ANKRD26: variants seen among roughly 807,000 people sequenced by gnomAD.
ANKRD26 encodes the protein ankyrin repeat domain-containing protein 26.
ANKRD26 carries 141 observed loss-of-function variants against 208.7 expected under a neutral mutation model. The ratio of observed to expected loss-of-function variants is 0.68; its 90% CI spans 0.59 to 0.78. The LOEUF is 0.78. Ranked by LOEUF, ANKRD26 falls within the 30% of genes least tolerant of loss-of-function variation. The pLI is 0.00. For missense variants in ANKRD26, 1,889 were observed against 1,938.7 expected, an observed-to-expected ratio of 0.97 and a Z score of 0.48; for synonymous variants, 636 against 660.4, an observed-to-expected ratio of 0.96 and a Z score of 0.57.
chr10:27,056,587 G>A (rs1429602249), intron 15 of ANKRD26, among the ~76,000 whole-genome samples: 1 of 150,238 alleles, frequency 6.7e-6, no homozygotes, highest in African/African-American at 2.4e-5. Flanking sequence ...AGACCAGCCT[G>A]ACCAACATGG....
At chr10:26,990,333 CCTAA>C (rs1292627053), downstream of ANKRD26, among the ~76,000 whole-genome samples, 3 of 152,150 alleles carry the variant, frequency 2.0e-5, no homozygotes, top group Admixed American at 1.3e-4. Context: ...CCTCATTCCT[CCTAA>C]CTTAGAGTTC....
chr10:27,047,252 C>A (rs911325695), intron 17 of ANKRD26, among the ~76,000 whole-genome samples: 1 of 152,014 alleles, frequency 6.6e-6, no homozygotes, highest in Non-Finnish European at 1.5e-5. Flanking sequence ...GGGAAAAATC[C>A]TTTTAGAATA....
chr10:27,007,422 G>A (rs1370566750), intron 32 of ANKRD26, among the ~76,000 whole-genome samples: 1 of 152,204 alleles, frequency 6.6e-6, no homozygotes, highest in Admixed American at 6.5e-5. Context: ...GGGAGGCCAA[G>A]ACAGGCAGAT....
rs3737054 is a variant in ANKRD26 at position 27,079,396 on chromosome 10, G to A, written c.741-235C>T. Among the ~76,000 whole-genome samples the A allele has an allele frequency of 0.21, 32,396 of 152,066 alleles. 3,761 individuals are homozygous for A. Among genetic ancestry groups the A allele is most frequent in the East Asian group, 0.4 (2,064 of 5,180 alleles). ...ACCTCTCCGAAACTATAAAATATTC[G>A]ATAAAGACTCAACCTTAGTTCTATA... is the stretch of plus-strand genomic sequence containing the variant. On this transcript the variant is annotated intron_variant, in intron 6 of 33. Coordinates refer to ENST00000376087, the MANE Select transcript of ANKRD26 (RefSeq NM_014915.3).
rs2056378031 is a variant in ANKRD26, at chr10:27,093,794, G to A, written c.248C>T (p.Ala83Val). Residue 83 changes from alanine (A) to valine (V), a missense_variant, in exon 2 of 34, where the codon GCT becomes GTT. Transcript: ENST00000376087. ...ACCATTGGCACAGGCCAAATGTAGAGCCGTCCTATGAGAGTGACAGGACTT... is the reference window on the plus strand; with the variant it reads ...ACCATTGGCACAGGCCAAATGTAGAACCGTCCTATGAGAGTGACAGGACTT... ...LNDRDKMNRT[A>V]LHLACANGHP... 5.6e-6 allele frequency: 9 copies of A among 1,612,872 alleles called. No homozygotes were observed. Among genetic ancestry groups the A allele is most frequent in the African/African-American group, 1.3e-5 (1 of 74,916 alleles).
intron 18 of ANKRD26, among the ~76,000 whole-genome samples, chr10:27,044,868 CAT>C (rs149194318): frequency 0.014 from 2,119 of 152,266 alleles, 30 homozygotes; most frequent in Middle Eastern, 0.031. Flanking sequence ...AGCTCCAAAA[CAT>C]ATTTTGCTGT....
At chr10:27,092,266 TTGAG>T in intron 4 of ANKRD26, 136 bp downstream of exon 4, 1 of 650,628 alleles carries the variant, frequency 1.5e-6, no homozygotes, top group Non-Finnish European at 2.7e-6. Context: ...TATTTCTGAC[TTGAG>T]TGAGAAACAC....
At chr10:27,027,254 G>T (rs2135094115) in intron 27 of ANKRD26, among the ~76,000 whole-genome samples, 1 of 152,274 alleles carries the variant, frequency 6.6e-6, no homozygotes, top group Middle Eastern at 3.4e-3. Context: ...TTACTTTGGG[G>T]GAAAAGAATG....
chr10:26,959,455 T>A, the ANKRD26 span, among the ~76,000 whole-genome samples: 2 of 152,212 alleles, frequency 1.3e-5, no homozygotes, highest in Admixed American at 6.5e-5. Flanking sequence ...AATGGCAGAA[T>A]CAGAAGTCCT....
chr10:27,041,082 T>A (rs1426494322), intron 20 of ANKRD26, among the ~76,000 whole-genome samples: 23 of 150,716 alleles, frequency 1.5e-4, no homozygotes, highest in Admixed American at 1.3e-3. Context: ...AGTTTTATGG[T>A]CTTATGAATG....
chr10:26,985,635 C>A (rs925537982), intron 3 of ANKRD26, among the ~76,000 whole-genome samples: 1 of 152,130 alleles, frequency 6.6e-6, no homozygotes, highest in Non-Finnish European at 1.5e-5. Context: ...TTAGAGTGAC[C>A]TGGAATTTTT....
At chr10:27,076,070 C>T (rs2055687186) in intron 9 of ANKRD26, among the ~76,000 whole-genome samples, 1 of 152,010 alleles carries the variant, frequency 6.6e-6, no homozygotes, top group South Asian at 2.1e-4. Context: ...AACAGTGCTA[C>T]AAATTATCAA....
chr10:26,960,868 T>C, the ANKRD26 span, among the ~76,000 whole-genome samples: 1 of 151,916 alleles, frequency 6.6e-6, no homozygotes, highest in Non-Finnish European at 1.5e-5. Context: ...GGAACAACAG[T>C]GGGGGGTAGC....
chr10:27,037,146 TAC>T, intron 23 of ANKRD26, 38 bp downstream of exon 23: 3 of 1,599,154 alleles, frequency 1.9e-6, no homozygotes, highest in South Asian at 2.2e-5. Context: ...TAAATACATA[TAC>T]ACACATATTT....
chr10:26,979,846 G>C (rs12251173), intron 5 of ANKRD26, among the ~76,000 whole-genome samples: 1 of 152,056 alleles, frequency 6.6e-6, no homozygotes, highest in Non-Finnish European at 1.5e-5. Flanking sequence ...TCCTCAGACC[G>C]AGAGGGCTTT....
At chr10:27,081,032 T>C (rs762178293) in intron 6 of ANKRD26, 1 of 829,594 alleles carries the variant, frequency 1.2e-6, no homozygotes, top group Non-Finnish European at 1.5e-6. Context: ...AAGCCACCGA[T>C]AAGTTGAGGC....
downstream of ANKRD26, among the ~76,000 whole-genome samples, chr10:26,988,960 G>A (rs1049983825): frequency 1.3e-5 from 2 of 152,074 alleles, no homozygotes; most frequent in African/African-American, 4.8e-5. Flanking sequence ...TATGGTGGTG[G>A]GGAAGGGGAG....
intron 15 of ANKRD26, among the ~76,000 whole-genome samples, chr10:27,058,903 G>T (rs1030591235): frequency 3.7e-5 from 5 of 136,496 alleles, no homozygotes; most frequent in Non-Finnish European, 8.1e-5. Context: ...TTTTTTGTTT[G>T]TTTGTTTTTT....
chr10:26,978,771 C>T lies in ANKRD26; in HGVS notation c.*281+1805G>A, dbSNP rs549511848. On this transcript the variant is annotated intron_variant and NMD_transcript_variant, in intron 5 of 5. Transcript: ENST00000674670. ...TATGAACAGCAACACAGTTACAATG[C>T]GGCTGCAACACAGTAATCACCGTTG... is the stretch of plus-strand genomic sequence containing the variant. 9.8e-5 allele frequency among the ~76,000 whole-genome samples: 15 copies of T among 152,292 alleles called. 1 individual carries two copies. The South Asian group carries it at 2.7e-3, about 27-fold the overall frequency.
Sources: gnomAD v4.1 joint callset for allele counts (sites outside exome capture counted in the v4.1 genomes callset) on GRCh38, gnomAD v4.1.1 for gene constraint, MANE v1.5 for transcripts, NCBI Gene and HGNC (gene_info 2026-07-23, HGNC 2026-07-21) for gene names.